FUT8: variants seen among roughly 807,000 people sequenced by gnomAD.
FUT8 encodes alpha-(1,6)-fucosyltransferase.
Under a neutral mutation model 71.3 loss-of-function variants are expected in FUT8, and 29 were observed. The ratio of observed to expected loss-of-function variants is 0.41; its 90% CI spans 0.30 to 0.55. The LOEUF (loss-of-function observed/expected upper bound fraction) is 0.55, where lower values mean the gene tolerates loss of function less well. Ranked by LOEUF, FUT8 falls within the 20% of genes least tolerant of loss-of-function variation. FUT8 has a pLI of 0.34. For missense variants in FUT8, 544 were observed against 702.1 expected, an observed-to-expected ratio of 0.77 and a Z score of 2.55; for synonymous variants, 254 against 239.3, an observed-to-expected ratio of 1.06 and a Z score of -0.57.
intron 1 of FUT8, among the ~76,000 whole-genome samples, chr14:65,443,886 A>T (rs538686729): frequency 8.5e-5 from 13 of 152,316 alleles, no homozygotes; most frequent in African/African-American, 3.1e-4. Context: ...TGTTACATTT[A>T]TGTTATTTTG....
intron 3 of FUT8, among the ~76,000 whole-genome samples, chr14:65,564,170 T>C (rs968220104): frequency 3.3e-5 from 5 of 152,034 alleles, no homozygotes; most frequent in Non-Finnish European, 7.4e-5. Context: ...TTTCCCCTTA[T>C]AGTAATTAAG....
chr14:65,530,960 G>T (rs1279405104), intron 2 of FUT8, among the ~76,000 whole-genome samples: 2 of 141,070 alleles, frequency 1.4e-5, no homozygotes, highest in African/African-American at 5.3e-5. Context: ...TTTTTTATTG[G>T]TAAAAAGTAT....
chr14:65,507,310 C>T (rs2066751074), intron 2 of FUT8, among the ~76,000 whole-genome samples: 1 of 152,190 alleles, frequency 6.6e-6, no homozygotes, highest in South Asian at 2.1e-4. Context: ...GTGTCTGTCT[C>T]TATAACTATC....
intron 2 of FUT8, chr14:65,458,085 G>T (rs1342189574): frequency 1.8e-4 from 28 of 151,704 alleles, no homozygotes; most frequent in Admixed American, 1.8e-3. Context: ...AGGAGGCTGA[G>T]GCAGGAGAAT....
intron 9 of FUT8, among the ~76,000 whole-genome samples, chr14:65,729,562 C>T (rs1204833595): frequency 1.3e-5 from 2 of 148,490 alleles, no homozygotes; most frequent in Non-Finnish European, 3.0e-5. Context: ...AGGGTCCAGG[C>T]TGGAGTGCAG....
intron 3 of FUT8, among the ~76,000 whole-genome samples, chr14:65,608,923 G>T (rs553787665): frequency 1.3e-5 from 2 of 151,814 alleles, no homozygotes; most frequent in East Asian, 3.9e-4. Flanking sequence ...TTGCTTATGA[G>T]GTTTTTTCTT....
intron 2 of FUT8, among the ~76,000 whole-genome samples, chr14:65,554,435 A>AT (rs1482532207): frequency 7.1e-6 from 1 of 141,710 alleles, no homozygotes; most frequent in African/African-American, 2.6e-5. Flanking sequence ...TATATATATT[A>AT]TATATATATA....
In FUT8 at chr14:65,620,149, T is replaced by A. The variant is rs577239080; in HGVS notation, c.482+3776T>A. 9.5e-4 allele frequency among the ~76,000 whole-genome samples: 145 copies of A among 152,114 alleles called. 2 individuals carry two copies. The highest frequency in any genetic ancestry group is 2.3e-3 in the South Asian group (11 of 4,822). On this transcript the variant is annotated intron_variant, in intron 5 of 10. Transcript: ENST00000673929. ...CTTTCTGCTTTTAAAATTACCATAT[T>A]TTTTTTAAATTTATTCATTTATTTT...
chr14:65,712,833 G>T (rs1260656608), intron 7 of FUT8, among the ~76,000 whole-genome samples: 2 of 152,062 alleles, frequency 1.3e-5, no homozygotes, highest in Non-Finnish European at 2.9e-5. Context: ...TTTTGATACA[G>T]GCATACAATG....
At chr14:65,729,952 T>C (rs1257671863) in intron 9 of FUT8, among the ~76,000 whole-genome samples, 1 of 152,218 alleles carries the variant, frequency 6.6e-6, no homozygotes, top group East Asian at 1.9e-4. Flanking sequence ...GAGTCGTTTC[T>C]CGGGGATTTA....
At chr14:65,701,260 G>C (rs916005226) in intron 7 of FUT8, among the ~76,000 whole-genome samples, 3 of 152,086 alleles carry the variant, frequency 2.0e-5, no homozygotes, top group Non-Finnish European at 4.4e-5. Flanking sequence ...CCCTAATTAT[G>C]TCACTTAAGA....
chr14:65,493,137 G>A (rs1255853842), intron 2 of FUT8, among the ~76,000 whole-genome samples: 3 of 152,086 alleles, frequency 2.0e-5, no homozygotes, highest in Admixed American at 1.3e-4. Flanking sequence ...CAATGATATA[G>A]CGTCTAGATT....
At chr14:65,674,032 G>C (rs1892599491) in intron 7 of FUT8, among the ~76,000 whole-genome samples, 1 of 152,068 alleles carries the variant, frequency 6.6e-6, no homozygotes, top group African/African-American at 2.4e-5. Context: ...TTCTAACCAA[G>C]TTGTATCCTT....
chr14:65,400,200 A>G, the FUT8 span, among the ~76,000 whole-genome samples: 1 of 152,200 alleles, frequency 6.6e-6, no homozygotes, highest in East Asian at 1.9e-4. Context: ...CATCCAGTCA[A>G]CCATAAACTA....
chr14:65,589,817 C>A (rs915791249), intron 3 of FUT8, among the ~76,000 whole-genome samples: 1 of 152,156 alleles, frequency 6.6e-6, no homozygotes, highest in South Asian at 2.1e-4. Context: ...TCATTTCTTT[C>A]TCTTCACAGT....
At position 65,431,495 on chromosome 14, in the gene FUT8, T is replaced by G. The variant is rs911151294; in HGVS notation, c.-326+18281T>G. ...CGGCTTTTTTTTGGTATTTTTTTTGTAGAGGCTGGGTTTTGCCACATTGCC... is the reference window on the plus strand; with the variant it reads ...CGGCTTTTTTTTGGTATTTTTTTTGGAGAGGCTGGGTTTTGCCACATTGCC... On this transcript the variant is annotated intron_variant, in intron 1 of 10. Transcript: ENST00000673929. Among the ~76,000 whole-genome samples, 75 of 151,782 alleles carry G rather than the reference T, an allele frequency of 4.9e-4. 1 individual carries two copies. The highest frequency in any genetic ancestry group is 9.3e-4 in the Non-Finnish European group (63 of 67,960).
At position 65,561,892 on chromosome 14, in the gene FUT8, C is replaced by T. The variant is rs1423185084; in HGVS notation, c.203+126C>T. 5 of 764,840 alleles carry T rather than the reference C, an allele frequency of 6.5e-6. No individual in the cohort carries two copies. In the African/African-American group the frequency reaches 8.8e-5, roughly 13 times the overall value. The allele number at this position is 764,840 out of a possible 1,614,324, so 47.4% of individuals were successfully genotyped here. ...ACCTGCTGTCTTTGCCACAACTTAG[C>T]ATGACAGTTTTCTATCTCTGTGTAT... is the stretch of plus-strand genomic sequence containing the variant. On this transcript the variant is annotated intron_variant, in intron 3 of 10. Transcript: ENST00000673929.
chr14:65,410,940 T>A (rs1192625801), upstream of FUT8: 1 of 152,138 alleles, frequency 6.6e-6, no homozygotes, highest in Non-Finnish European at 1.5e-5. Flanking sequence ...CTTGTTAAAA[T>A]ATTTTTAAAA....
At chr14:65,402,495 C>T in the FUT8 span, among the ~76,000 whole-genome samples, 4 of 152,008 alleles carry the variant, frequency 2.6e-5, no homozygotes, top group South Asian at 2.1e-4. Context: ...GGTGAAACCC[C>T]GTCTCTACTA....
Sources: gnomAD v4.1 joint callset for allele counts (sites outside exome capture counted in the v4.1 genomes callset) on GRCh38, gnomAD v4.1.1 for gene constraint, MANE v1.5 for transcripts, NCBI Gene and HGNC (gene_info 2026-07-23, HGNC 2026-07-21) for gene names.